Variants in PRKCA observed in about 807,000 individuals in gnomAD.
PRKCA encodes protein kinase C alpha, also known as protein kinase C alpha type.
PRKCA carries 27 observed loss-of-function variants against 87.0 expected under a neutral mutation model. The ratio of observed to expected loss-of-function variants is 0.31; its 90% confidence interval spans 0.23 to 0.43. The LOEUF is 0.43. Among genes scored for constraint, PRKCA ranks in the 20% least tolerant of loss-of-function variants. The probability of loss-of-function intolerance (pLI) is 1.00; values close to 1 mark genes in which losing one functional copy is unlikely to be tolerated. For missense variants in PRKCA, 518 were observed against 852.3 expected (o/e 0.61, Z 4.88); for synonymous variants, 329 against 311.1 (o/e 1.06, Z -0.61).
chr17:66,305,080 C>G (rs1904741527), intron 1 of PRKCA, among the ~76,000 whole-genome samples: 2 of 152,122 alleles, frequency 1.3e-5, no homozygotes. Context: ...AAAATGCCCC[C>G]CTGAGGATCC....
At chr17:66,364,563 C>T (rs140157353) in intron 2 of PRKCA, among the ~76,000 whole-genome samples, 89 of 152,146 alleles carry the variant, frequency 5.8e-4, no homozygotes, top group East Asian at 4.8e-3. Flanking sequence ...ACGTGGAGGC[C>T]GGAAGATGCC....
intron 5 of PRKCA, among the ~76,000 whole-genome samples, chr17:66,661,851 A>G (rs1971912955): frequency 6.6e-6 from 1 of 152,200 alleles, no homozygotes; most frequent in African/African-American, 2.4e-5. Flanking sequence ...CCTAGGAACT[A>G]GACAAGGCCC....
At chr17:66,545,065 A>G (rs1158046211) in intron 3 of PRKCA, among the ~76,000 whole-genome samples, 2 of 152,222 alleles carry the variant, frequency 1.3e-5, no homozygotes, top group African/African-American at 4.8e-5. Flanking sequence ...GGCTTAAGCA[A>G]ATGTTGGAAA....
At chr17:66,576,473 G>C (rs1250786333) in intron 3 of PRKCA, among the ~76,000 whole-genome samples, 1 of 152,204 alleles carries the variant, frequency 6.6e-6, no homozygotes, top group East Asian at 1.9e-4. Flanking sequence ...TCTATAATTT[G>C]AAATAAATGT....
intron 8 of PRKCA, among the ~76,000 whole-genome samples, chr17:66,730,784 C>T (rs1973866338): frequency 6.6e-6 from 1 of 152,208 alleles, no homozygotes; most frequent in African/African-American, 2.4e-5. Context: ...CCTGTATCAG[C>T]AGGGGCTCCT....
chr17:66,737,140 C>T (rs574020367), intron 10 of PRKCA, among the ~76,000 whole-genome samples: 12 of 148,944 alleles, frequency 8.1e-5, no homozygotes, highest in African/African-American at 3.0e-4. Context: ...ATCACGAGAT[C>T]AGGAGATCGA....
Position 66,700,190 on chromosome 17 carries a change from C to T in PRKCA, c.918+11143C>T, listed in dbSNP as rs115420285. Among the ~76,000 whole-genome samples the T allele has an allele frequency of 2.7e-3, 405 of 152,078 alleles. 1 individual carries two copies. Among genetic ancestry groups the T allele is most frequent in the African/African-American group, 8.2e-3 (341 of 41,486 alleles). On this transcript the variant is annotated intron_variant, in intron 8 of 16. Coordinates refer to ENST00000413366, the MANE Select transcript of PRKCA (RefSeq NM_002737.3). ...AATGTGATACACAACATTAACAGAA[C>T]GAAGGATAAAAATTGTATGATTATT...
At chr17:66,491,657 A>C (rs560736022) in intron 2 of PRKCA, among the ~76,000 whole-genome samples, 1 of 152,366 alleles carries the variant, frequency 6.6e-6, no homozygotes, top group Non-Finnish European at 1.5e-5. Flanking sequence ...ATTTTTAGCC[A>C]GGGGAAACCC....
At chr17:66,713,801 C>G (rs932020584) in intron 8 of PRKCA, among the ~76,000 whole-genome samples, 1 of 152,164 alleles carries the variant, frequency 6.6e-6, no homozygotes, top group Non-Finnish European at 1.5e-5. Context: ...GTCTGGCCCC[C>G]AGTCACTGGT....
chr17:66,550,293 G>A lies in PRKCA; in HGVS notation c.288+54010G>A, dbSNP rs1381904333. 4.6e-5 allele frequency among the ~76,000 whole-genome samples: 7 copies of A among 152,096 alleles called. No homozygotes were observed. In the South Asian group the frequency reaches 6.2e-4, roughly 14 times the overall value. On this transcript the variant is annotated intron_variant, in intron 3 of 16. Coordinates refer to ENST00000413366, the MANE Select transcript of PRKCA (RefSeq NM_002737.3). ...CTGGGTGTAGGTCCTTGGGGAAAAC[G>A]TGCCAAGTTTCTGCACAGACTGTCC... is the stretch of plus-strand genomic sequence containing the variant.
At chr17:66,694,988 G>T (rs187670910) in intron 8 of PRKCA, among the ~76,000 whole-genome samples, 40 of 152,234 alleles carry the variant, frequency 2.6e-4, no homozygotes, top group Admixed American at 1.7e-3. Flanking sequence ...TCAAGAAAAT[G>T]GGCTGAGAGG....
intron 2 of PRKCA, among the ~76,000 whole-genome samples, chr17:66,430,573 T>C (rs1235024363): frequency 6.6e-6 from 1 of 152,012 alleles, no homozygotes; most frequent in Non-Finnish European, 1.5e-5. Context: ...CTGATGCAGG[T>C]CCTTAGGGGG....
intron 5 of PRKCA, among the ~76,000 whole-genome samples, chr17:66,653,818 A>G (rs1971658011): frequency 6.9e-6 from 1 of 145,792 alleles, no homozygotes. Context: ...AACAAAACCA[A>G]CAAGCTTTAT....
At chr17:66,343,908 G>A (rs1907198407) in intron 2 of PRKCA, among the ~76,000 whole-genome samples, 1 of 152,044 alleles carries the variant, frequency 6.6e-6, no homozygotes, top group South Asian at 2.1e-4. Context: ...GCACCATGAT[G>A]CCTACCATTG....
intron 8 of PRKCA, among the ~76,000 whole-genome samples, chr17:66,700,468 AAAAG>A (rs746258837): frequency 1.5e-4 from 23 of 152,192 alleles, no homozygotes; most frequent in Non-Finnish European, 2.5e-4. Flanking sequence ...CTAGGCAAGA[AAAAG>A]AAAAGGCATC....
intron 2 of PRKCA, among the ~76,000 whole-genome samples, chr17:66,384,820 CG>C (rs1338432067): frequency 2.0e-5 from 3 of 151,960 alleles, no homozygotes; most frequent in African/African-American, 4.8e-5. Context: ...TTAGTAGAGA[CG>C]GGGTTTCACT....
At chr17:66,368,538 A>G (rs1366643609) in intron 2 of PRKCA, among the ~76,000 whole-genome samples, 1 of 150,602 alleles carries the variant, frequency 6.6e-6, no homozygotes, top group Non-Finnish European at 1.5e-5. Flanking sequence ...CTACAGGCAT[A>G]CACCACCACA....
At chr17:66,337,134 C>A (rs557837512) in intron 2 of PRKCA, among the ~76,000 whole-genome samples, 1 of 152,092 alleles carries the variant, frequency 6.6e-6, no homozygotes, top group Admixed American at 6.5e-5. Context: ...TTAATTAGAT[C>A]ATTTTTTTCC....
intron 7 of PRKCA, 22 bp from the exon 8 acceptor site, chr17:66,688,929 C>T: frequency 6.6e-7 from 1 of 1,509,332 alleles, no homozygotes; most frequent in Non-Finnish European, 9.2e-7. Flanking sequence ...GGTGGTAACT[C>T]TTCTTCTCCC....
Sources: allele counts gnomAD v4.1 joint callset (sites outside exome capture counted in the v4.1 genomes callset), GRCh38; gene constraint gnomAD v4.1.1; transcripts MANE v1.5; gene names NCBI Gene and HGNC (gene_info 2026-07-23, HGNC 2026-07-21).